Variants in PMS2 observed in about 807,000 individuals in gnomAD.
PMS2 encodes mismatch repair endonuclease PMS2.
Under a neutral mutation model 90.0 loss-of-function variants are expected in PMS2, and 69 were observed. The ratio of observed to expected loss-of-function variants is 0.77; its 90% CI spans 0.63 to 0.94. The LOEUF is 0.94. PMS2 is among the 40% of genes least tolerant of loss of function. The pLI is 0.00. For synonymous variants in PMS2, 332 were observed against 375.1 expected (o/e 0.89, Z 1.33); for missense variants, 966 against 1,040.2 (o/e 0.93, Z 0.98).
chr7:5,998,592 G>T (rs997794580), intron 6 of PMS2, among the ~76,000 whole-genome samples: 1 of 151,262 alleles, frequency 6.6e-6, no homozygotes, highest in African/African-American at 2.4e-5. Flanking sequence ...TACTCAGGAG[G>T]CTAAGGTAGG....
intron 12 of PMS2, among the ~76,000 whole-genome samples, chr7:5,981,762 G>T (rs193126003): frequency 3.3e-5 from 5 of 151,696 alleles, no homozygotes; most frequent in African/African-American, 7.3e-5. Flanking sequence ...CACGTGAACT[G>T]GGGCAGGTTA....
At chr7:5,988,279 C>A (rs1267368138) in intron 10 of PMS2, among the ~76,000 whole-genome samples, 1 of 152,054 alleles carries the variant, frequency 6.6e-6, no homozygotes, top group Non-Finnish European at 1.5e-5. Context: ...CATAGCTACT[C>A]CTATCAGAAG....
intron 5 of PMS2, among the ~76,000 whole-genome samples, chr7:6,000,377 T>TAAAAAAAA (rs67186373): frequency 1.6e-5 from 2 of 122,824 alleles, no homozygotes; most frequent in Non-Finnish European, 3.3e-5. Flanking sequence ...CTGTCTCAAT[T>TAAAAAAAA]AAAAAAAAAA....
At position 5,989,064 on chromosome 7, in the gene PMS2, A is replaced by C. The variant is rs755923883; in HGVS notation, c.1144+736T>G. Among the ~76,000 whole-genome samples the C allele has an allele frequency of 2.4e-4, 37 of 152,178 alleles. 1 individual carries two copies. Among genetic ancestry groups the C allele is most frequent in the South Asian group, 6.2e-4 (3 of 4,826 alleles). ...TAGAGACAGAGTTTCACCGTGTTAG[A>C]TAGTCTCGATCTCCTGACCTCGTGA... is the stretch of plus-strand genomic sequence containing the variant. On this transcript the variant is annotated intron_variant, in intron 10 of 14. Coordinates refer to ENST00000265849, the MANE Select transcript of PMS2 (RefSeq NM_000535.7).
At chr7:5,999,914 T>A (rs779947834) in intron 5 of PMS2, among the ~76,000 whole-genome samples, 10 of 152,118 alleles carry the variant, frequency 6.6e-5, no homozygotes, top group Non-Finnish European at 1.2e-4. Flanking sequence ...TGCAAAGAGA[T>A]ACACAAAAAT....
At chr7:6,006,460 T>C (rs1338841142) in intron 1 of PMS2, among the ~76,000 whole-genome samples, 1 of 152,142 alleles carries the variant, frequency 6.6e-6, no homozygotes, top group African/African-American at 2.4e-5. Flanking sequence ...GACACCAGCC[T>C]GGCCAACACG....
chr7:5,994,076 T>G (rs576042641), intron 8 of PMS2, among the ~76,000 whole-genome samples: 1 of 151,726 alleles, frequency 6.6e-6, no homozygotes, highest in African/African-American at 2.4e-5. Context: ...CACTCACGTA[T>G]ATGCAATTTA....
rs267608172 is a variant in PMS2 at position 5,982,823 on chromosome 7, C to T, written c.2174+1G>A. ...TGGGAATGAACACTAAACACACTCA[C>T]GCTATGAGCCTCTGCCCCTGGAGCA... On this transcript the variant is annotated splice_donor_variant, in intron 12 of 14. Transcript: ENST00000265849. LOFTEE classifies it high-confidence loss of function. 16 of 1,609,100 alleles carry T rather than the reference C, an allele frequency of 9.9e-6. No homozygotes were observed. Among genetic ancestry groups the T allele is most frequent in the South Asian group, 3.3e-5 (3 of 90,668 alleles).
intron 8 of PMS2, among the ~76,000 whole-genome samples, chr7:5,993,370 C>CAAAAAAAAAAAAAAAA (rs141290969): frequency 1.4e-5 from 1 of 72,976 alleles, no homozygotes; most frequent in East Asian, 5.1e-4. Context: ...GACTCCGTCT[C>CAAAAAAAAAAAAAAAA]AAAAAAAAAA....
At chr7:5,991,290 AAGAG>A (rs907315407) in intron 9 of PMS2, among the ~76,000 whole-genome samples, 2 of 151,786 alleles carry the variant, frequency 1.3e-5, no homozygotes, top group African/African-American at 2.4e-5. Flanking sequence ...GAGAGAGAGA[AAGAG>A]AGAGAGGACA....
chr7:5,996,971 T>C (rs1784474342), intron 7 of PMS2, among the ~76,000 whole-genome samples: 1 of 152,090 alleles, frequency 6.6e-6, no homozygotes, highest in East Asian at 1.9e-4. Flanking sequence ...TCCCAGCACT[T>C]TGGGACACCA....
At position 6,008,980 on chromosome 7, in the gene PMS2, C is replaced by T. The variant is rs780132980; in HGVS notation, c.23+17G>A. On this transcript the variant is annotated intron_variant, in intron 1 of 14. Transcript: ENST00000265849. ...GCGCGCGAGAGGGGACACCGGAAGA[C>T]TGCGAGCCCCGCTCACCTCGAGCTC... 3.1e-6 allele frequency: 5 copies of T among 1,612,476 alleles called. No homozygotes were observed. In the African/African-American group the frequency reaches 6.7e-5, roughly 22 times the overall value.
Position 6,002,479 on chromosome 7 carries a change from T to C in PMS2, c.511A>G (p.Lys171Glu). ...TTCTTAATATTCCTTTGAAATTCCT[T>C]ATGGCGCACAGGTAGTGTGGAAAAT... ...QLFSTLPVRH[K>E]EFQRNIKKEY... The change falls in exon 5 of 15, where the codon AAG becomes GAG. Residue 171 changes from lysine to glutamate, a missense_variant. By Grantham distance (56) the Lys-to-Glu change is moderately conservative. Transcript: ENST00000265849. The C allele has an allele frequency of 6.2e-7, 1 of 1,611,280 alleles. No homozygotes were observed. The highest frequency in any genetic ancestry group is 8.5e-7 in the Non-Finnish European group (1 of 1,179,374).
chr7:6,007,671 C>T (rs956268974), intron 1 of PMS2, among the ~76,000 whole-genome samples: 5 of 152,140 alleles, frequency 3.3e-5, no homozygotes, highest in South Asian at 2.1e-4. Context: ...TTTAACACAT[C>T]GTAGGCCTTT....
intron 6 of PMS2, among the ~76,000 whole-genome samples, chr7:5,998,819 G>A (rs150069566): frequency 0.029 from 4,407 of 151,802 alleles, 235 homozygotes; most frequent in African/African-American, 0.1. Context: ...GTGAAACCCC[G>A]TCTCTACTAA....
chr7:6,003,647 T>A, intron 4 of PMS2, 43 bp downstream of exon 4: 3 of 994,028 alleles, frequency 3.0e-6, no homozygotes, highest in Non-Finnish European at 4.7e-6. Flanking sequence ...TTCAGAGAGG[T>A]TTCTCTAAGG....
chr7:5,983,278 T>C (rs2692555), intron 11 of PMS2, among the ~76,000 whole-genome samples: 33,425 of 147,782 alleles, frequency 0.23, 3,941 homozygotes, highest in Admixed American at 0.29. Context: ...GCCCAGCTAA[T>C]TTTTGTATTT....
rs1219636582 is a variant in PMS2 at position 6,009,044 on chromosome 7, G to A, written c.-25C>T. On this transcript the variant is annotated 5_prime_UTR_variant, in exon 1 of 15. Transcript: ENST00000265849. The stretch of plus-strand genomic sequence containing the variant: ...TGGATGCAACACCCGATCCGCCTCG[G>A]GGACTGGGAAAGTTCCCTCCAGGGC... The A allele has an allele frequency of 1.2e-6, 2 of 1,612,208 alleles. No individual in the cohort carries two copies. Among genetic ancestry groups the A allele is most frequent in the Admixed American group, 1.7e-5 (1 of 59,998 alleles).
At chr7:6,002,771 T>TA in intron 4 of PMS2, 135 bp from the exon 5 acceptor site, 1 of 779,530 alleles carries the variant, frequency 1.3e-6, no homozygotes, top group Non-Finnish European at 2.3e-6. Context: ...AATCAAGATC[T>TA]AAATGGTTGA....
Sources: allele counts gnomAD v4.1 joint callset (sites outside exome capture counted in the v4.1 genomes callset), GRCh38; gene constraint gnomAD v4.1.1; transcripts MANE v1.5; gene names NCBI Gene and HGNC (gene_info 2026-07-23, HGNC 2026-07-21).